The following COA1 variants were observed in gnomAD, a reference collection of about 807,000 sequenced individuals.
COA1 encodes cytochrome c oxidase assembly factor 1 homolog.
In COA1, 13 loss-of-function variants were observed where a neutral mutation model predicts 16.0. The observed-to-expected ratio is 0.81, with a 90% CI of 0.53 to 1.29. COA1 has a LOEUF of 1.29. Among genes scored for constraint, COA1 ranks in the 50% most tolerant of loss-of-function variants. COA1 has a pLI of 0.00. For synonymous variants in COA1, 65 were observed against 65.7 expected (o/e 0.99, Z 0.05); for missense variants, 179 against 177.0 (o/e 1.01, Z -0.06).
intron 1 of COA1, among the ~76,000 whole-genome samples, chr7:43,705,293 C>G (rs1480411030): frequency 6.6e-6 from 1 of 152,242 alleles, no homozygotes; most frequent in Non-Finnish European, 1.5e-5. Flanking sequence ...TGCAGAGTGG[C>G]ACGGGGAAGC....
chr7:43,692,321 C>T (rs769366733), intron 1 of COA1, among the ~76,000 whole-genome samples: 13 of 152,160 alleles, frequency 8.5e-5, no homozygotes, highest in Non-Finnish European at 1.6e-4. Context: ...GAGTTCAAGA[C>T]CAGCCTACGC....
At chr7:43,613,862 CATTA>C (rs2083098472) in intron 6 of COA1, among the ~76,000 whole-genome samples, 1 of 152,072 alleles carries the variant, frequency 6.6e-6, no homozygotes, top group Non-Finnish European at 1.5e-5. Flanking sequence ...TTTATTAAAA[CATTA>C]ATTTCTAAAA....
chr7:43,615,614 T>C (rs1277038637), intron 6 of COA1, among the ~76,000 whole-genome samples: 1 of 152,196 alleles, frequency 6.6e-6, no homozygotes, highest in African/African-American at 2.4e-5. Flanking sequence ...AAAGAAAACG[T>C]GGCCTGCCTT....
At chr7:43,647,142 G>A (rs189618317) in intron 3 of COA1, 38 of 226,696 alleles carry the variant, frequency 1.7e-4, no homozygotes, top group Non-Finnish European at 2.4e-4. Context: ...GAGAATGAAA[G>A]TGCAAAAAAA....
intron 1 of COA1, among the ~76,000 whole-genome samples, chr7:43,717,647 G>A (rs2095421992): frequency 6.6e-6 from 1 of 152,176 alleles, no homozygotes; most frequent in Non-Finnish European, 1.5e-5. Context: ...CTGTCGGGAA[G>A]GCATGATTGG....
intron 1 of COA1, among the ~76,000 whole-genome samples, chr7:43,687,399 T>C (rs1342068044): frequency 6.6e-6 from 1 of 152,134 alleles, no homozygotes; most frequent in Non-Finnish European, 1.5e-5. Flanking sequence ...CCATTACAAA[T>C]CCACCATATT....
At chr7:43,615,712 C>T (rs2083282502) in intron 6 of COA1, among the ~76,000 whole-genome samples, 1 of 152,174 alleles carries the variant, frequency 6.6e-6, no homozygotes. Context: ...ACTCGTACCC[C>T]TTTTGCCTTG....
chr7:43,661,190 T>C (rs570174625), intron 1 of COA1, among the ~76,000 whole-genome samples: 1 of 152,248 alleles, frequency 6.6e-6, no homozygotes, highest in Non-Finnish European at 1.5e-5. Flanking sequence ...TAATTCTCAA[T>C]AGACATTTAA....
At chr7:43,621,768 A>G (rs1172915674) in intron 6 of COA1, among the ~76,000 whole-genome samples, 1 of 152,208 alleles carries the variant, frequency 6.6e-6, no homozygotes, top group Non-Finnish European at 1.5e-5. Flanking sequence ...AAACATTATA[A>G]TGGAAGTACA....
At chr7:43,638,530 T>C (rs1563203848), downstream of COA1, among the ~76,000 whole-genome samples, 1 of 151,912 alleles carries the variant, frequency 6.6e-6, no homozygotes, top group East Asian at 1.9e-4. Flanking sequence ...ATTAGCTTTC[T>C]TTTTCCTTTC....
intron 1 of COA1, among the ~76,000 whole-genome samples, chr7:43,710,424 T>A (rs942489361): frequency 1.4e-5 from 2 of 145,468 alleles, no homozygotes; most frequent in Non-Finnish European, 3.0e-5. Context: ...ACAGTTGATT[T>A]ATTAATAGTT....
chr7:43,685,542 A>G (rs958925845), intron 1 of COA1, among the ~76,000 whole-genome samples: 5 of 152,122 alleles, frequency 3.3e-5, no homozygotes, highest in Non-Finnish European at 5.9e-5. Flanking sequence ...TTCCAAACAA[A>G]TATTAATTGA....
chr7:43,672,333 G>A (rs2093311182), intron 1 of COA1, among the ~76,000 whole-genome samples: 1 of 152,132 alleles, frequency 6.6e-6, no homozygotes. Flanking sequence ...CCATCAGTAG[G>A]CTTTATTCCT....
At chr7:43,671,062 C>T (rs2093229436) in intron 1 of COA1, among the ~76,000 whole-genome samples, 1 of 152,160 alleles carries the variant, frequency 6.6e-6, no homozygotes, top group African/African-American at 2.4e-5. Flanking sequence ...GATGCTGAGA[C>T]AACTGGATAT....
chr7:43,728,962 C>T (rs756342360), intron 1 of COA1, among the ~76,000 whole-genome samples: 1 of 152,162 alleles, frequency 6.6e-6, no homozygotes, highest in Admixed American at 6.5e-5. Flanking sequence ...TTGCAGTCAG[C>T]CCCTGTTGGG....
At chr7:43,669,893 C>T (rs1173284128) in intron 1 of COA1, among the ~76,000 whole-genome samples, 1 of 151,930 alleles carries the variant, frequency 6.6e-6, no homozygotes, top group African/African-American at 2.4e-5. Context: ...GAGAGAGGTG[C>T]TCAGTGACTC....
chr7:43,652,137 T>C (rs1005861970), intron 1 of COA1, among the ~76,000 whole-genome samples: 10 of 152,190 alleles, frequency 6.6e-5, no homozygotes, highest in African/African-American at 2.4e-4. Context: ...ACCAGTGGTA[T>C]ACTGGGAACA....
chr7:43,690,405 A>G (rs1470065720), intron 1 of COA1, among the ~76,000 whole-genome samples: 1 of 152,194 alleles, frequency 6.6e-6, no homozygotes, highest in African/African-American at 2.4e-5. Flanking sequence ...ATACATATAT[A>G]TGTATGTACA....
At chr7:43,670,594 G>C (rs1402677143) in intron 1 of COA1, among the ~76,000 whole-genome samples, 1 of 152,174 alleles carries the variant, frequency 6.6e-6, no homozygotes, top group Non-Finnish European at 1.5e-5. Context: ...GAAGTGTTTA[G>C]CCTAGTCGGG....
Sources: allele counts gnomAD v4.1 joint callset (sites outside exome capture counted in the v4.1 genomes callset), GRCh38; gene constraint gnomAD v4.1.1; transcripts MANE v1.5; gene names NCBI Gene and HGNC (gene_info 2026-07-23, HGNC 2026-07-21).